The following ATF7IP variants were observed in gnomAD, a reference collection of about 807,000 sequenced individuals.
ATF7IP encodes the protein activating transcription factor 7-interacting protein 1.
Under a neutral mutation model 106.4 loss-of-function variants are expected in ATF7IP, and 23 were observed. The ratio of observed to expected loss-of-function variants is 0.22; its 90% confidence interval spans 0.16 to 0.31. The LOEUF (loss-of-function observed/expected upper bound fraction) is 0.31, where lower values mean the gene tolerates loss of function less well. Ranked by LOEUF, ATF7IP falls within the 10% of genes least tolerant of loss-of-function variation. The probability of loss-of-function intolerance (pLI) is 1.00; values close to 1 mark genes in which losing one functional copy is unlikely to be tolerated. For synonymous variants in ATF7IP, 542 were observed against 539.0 expected (o/e 1.01, Z -0.08); for missense variants, 1,334 against 1,524.3 (o/e 0.88, Z 2.08).
At chr12:14,382,243 A>G (rs578066666) in intron 1 of ATF7IP, among the ~76,000 whole-genome samples, 11 of 152,336 alleles carry the variant, frequency 7.2e-5, no homozygotes, top group Admixed American at 4.6e-4. Flanking sequence ...TTAATTAGGA[A>G]AAGATTAAAC....
intron 1 of ATF7IP, among the ~76,000 whole-genome samples, chr12:14,391,555 A>G (rs1939553152): frequency 6.6e-6 from 1 of 152,240 alleles, no homozygotes; most frequent in Non-Finnish European, 1.5e-5. Context: ...TGATCATTAA[A>G]TGAGATGGGT....
Position 14,424,319 on chromosome 12 carries a change from C to G in ATF7IP, c.404C>G (p.Ala135Gly). The change falls in exon 2 of 15, where the codon GCC becomes GGC. Residue 135 changes from alanine to glycine, a missense_variant. Ala to Gly is a moderately conservative substitution (Grantham distance 60). Transcript: ENST00000261168. ...LPAEPVSGDP[A>G]PGDLDAGDPA... is the part of the protein sequence containing the mutation. ...GCTGAACCAGTTTCTGGTGATCCAGCCCCTGGTGATCTGGATGCCGGAGAT... is the reference window on the plus strand; with the variant it reads ...GCTGAACCAGTTTCTGGTGATCCAGGCCCTGGTGATCTGGATGCCGGAGAT... 6.2e-7 allele frequency: 1 copy of G among 1,614,220 alleles called. No homozygotes were observed. The highest frequency in any genetic ancestry group is 1.1e-5 in the South Asian group (1 of 91,082).
intron 1 of ATF7IP, among the ~76,000 whole-genome samples, chr12:14,389,604 C>T (rs1939433257): frequency 6.6e-6 from 1 of 152,068 alleles, no homozygotes; most frequent in African/African-American, 2.4e-5. Flanking sequence ...TAGTCACCAG[C>T]CCATTTCTCT....
chr12:14,459,457 T>A (rs1326346066), intron 8 of ATF7IP, among the ~76,000 whole-genome samples: 1 of 152,250 alleles, frequency 6.6e-6, no homozygotes, highest in Non-Finnish European at 1.5e-5. Context: ...CTTTGTTTTT[T>A]ACTGTAAGCA....
At chr12:14,483,016 A>G (rs1944478091) in intron 13 of ATF7IP, among the ~76,000 whole-genome samples, 1 of 152,246 alleles carries the variant, frequency 6.6e-6, no homozygotes, top group Admixed American at 6.5e-5. Context: ...GTACAAGTGT[A>G]TACATGCACA....
intron 9 of ATF7IP, 152 bp from the exon 10 acceptor site, chr12:14,466,374 A>G: frequency 1.5e-6 from 1 of 658,362 alleles, no homozygotes; most frequent in South Asian, 1.8e-5. Context: ...AAGATACTAT[A>G]GCAGTGGTCT....
intron 1 of ATF7IP, among the ~76,000 whole-genome samples, chr12:14,383,740 A>G (rs1488879047): frequency 1.3e-5 from 2 of 152,062 alleles, no homozygotes; most frequent in Non-Finnish European, 2.9e-5. Flanking sequence ...TTTTTTTTGT[A>G]GAGACAGACA....
intron 9 of ATF7IP, among the ~76,000 whole-genome samples, chr12:14,461,490 T>C (rs988997201): frequency 1.3e-5 from 2 of 152,214 alleles, no homozygotes; most frequent in South Asian, 4.1e-4. Context: ...TTACATAATA[T>C]ATGCTTTTAA....
chr12:14,491,811 C>G (rs1235272082), intron 13 of ATF7IP, among the ~76,000 whole-genome samples: 2 of 152,204 alleles, frequency 1.3e-5, no homozygotes, highest in African/African-American at 2.4e-5. Context: ...GGTACAGCAG[C>G]TGCAGTTAGA....
chr12:14,466,648 A>G, intron 10 of ATF7IP, 58 bp downstream of exon 10: 2 of 1,296,382 alleles, frequency 1.5e-6, no homozygotes, highest in Non-Finnish European at 1.1e-6. Flanking sequence ...CAGGAAAATG[A>G]ATTTTCATCA....
intron 1 of ATF7IP, among the ~76,000 whole-genome samples, chr12:14,422,337 AC>A (rs1349389196): frequency 6.6e-6 from 1 of 151,646 alleles, no homozygotes; most frequent in African/African-American, 2.4e-5. Flanking sequence ...ACACACACAC[AC>A]ACACACACAC....
intron 3 of ATF7IP, 104 bp from the exon 4 acceptor site, chr12:14,436,002 G>A: frequency 8.5e-7 from 1 of 1,181,876 alleles, no homozygotes; most frequent in Non-Finnish European, 1.2e-6. Context: ...AGTTGGTTGA[G>A]AAGGCTATTA....
chr12:14,434,502 C>G, intron 3 of ATF7IP, 79 bp downstream of exon 3: 1 of 944,844 alleles, frequency 1.1e-6, no homozygotes, highest in East Asian at 2.7e-5. Context: ...GTGTAATATT[C>G]TTTTTTGCCC....
chr12:14,401,530 G>GTTAC (rs1940195515), intron 1 of ATF7IP, among the ~76,000 whole-genome samples: 2 of 150,600 alleles, frequency 1.3e-5, no homozygotes, highest in African/African-American at 4.9e-5. Context: ...CTCTGTCATA[G>GTTAC]TTACCTTTTT....
chr12:14,404,055 T>C (rs1418492545), intron 1 of ATF7IP, among the ~76,000 whole-genome samples: 3 of 152,038 alleles, frequency 2.0e-5, no homozygotes, highest in African/African-American at 7.2e-5. Flanking sequence ...TTTTCAGAAA[T>C]CTGGCTCATA....
intron 1 of ATF7IP, among the ~76,000 whole-genome samples, chr12:14,405,984 G>A (rs1940557935): frequency 6.6e-6 from 1 of 152,064 alleles, no homozygotes; most frequent in South Asian, 2.1e-4. Flanking sequence ...GCCAGTATGA[G>A]CAAAAATTAT....
At chr12:14,450,982 C>T in intron 6 of ATF7IP, among the ~76,000 whole-genome samples, 1 of 151,944 alleles carries the variant, frequency 6.6e-6, no homozygotes, top group East Asian at 1.9e-4. Context: ...CGTCATTTGG[C>T]CAGGGTGGTC....
At chr12:14,437,222 G>A (rs980322789) in intron 4 of ATF7IP, among the ~76,000 whole-genome samples, 3 of 152,106 alleles carry the variant, frequency 2.0e-5, no homozygotes, top group Non-Finnish European at 2.9e-5. Flanking sequence ...ATTAAACTTC[G>A]ATGATAACTA....
intron 13 of ATF7IP, among the ~76,000 whole-genome samples, chr12:14,489,006 T>G (rs1565555584): frequency 2.0e-5 from 3 of 152,232 alleles, no homozygotes; most frequent in Non-Finnish European, 2.9e-5. Flanking sequence ...CTGGTATTGA[T>G]GACTACCTTT....
Sources: gnomAD v4.1 joint callset for allele counts (sites outside exome capture counted in the v4.1 genomes callset) on GRCh38, gnomAD v4.1.1 for gene constraint, MANE v1.5 for transcripts, NCBI Gene and HGNC (gene_info 2026-07-23, HGNC 2026-07-21) for gene names.